The following EYS variants were observed in gnomAD, a reference collection of about 807,000 sequenced individuals.
EYS encodes protein eyes shut homolog.
In EYS, 250 loss-of-function variants were observed where a neutral mutation model predicts 282.1. The observed-to-expected ratio is 0.89, with a 90% CI of 0.80 to 0.98. EYS has a LOEUF of 0.98. Among genes scored for constraint, EYS ranks in the 50% least tolerant of loss-of-function variants. EYS has a pLI of 0.00. For synonymous variants in EYS, 1,355 were observed against 1,282.9 expected (o/e 1.06, Z -1.20); for missense variants, 4,016 against 3,709.0 (o/e 1.08, Z -2.15).
At chr6:64,839,653 T>C (rs1485380717) in intron 19 of EYS, among the ~76,000 whole-genome samples, 1 of 152,076 alleles carries the variant, frequency 6.6e-6, no homozygotes, top group Non-Finnish European at 1.5e-5. Context: ...TTACATAAAG[T>C]AAATTTATTT....
chr6:64,934,653 C>A (rs1209567569), intron 15 of EYS, among the ~76,000 whole-genome samples: 1 of 151,836 alleles, frequency 6.6e-6, no homozygotes, highest in Non-Finnish European at 1.5e-5. Flanking sequence ...ACCATGAATT[C>A]TATATCCTAC....
At chr6:63,761,378 C>T (rs796127352) in intron 41 of EYS, among the ~76,000 whole-genome samples, 5 of 152,122 alleles carry the variant, frequency 3.3e-5, no homozygotes, top group African/African-American at 1.2e-4. Flanking sequence ...TAATCACACT[C>T]TTAAGACATG....
In EYS at chr6:64,912,881, T is replaced by A. The variant is rs1768045410; in HGVS notation, c.2382-138A>T. ...AGGACTAATAAATAATACATAGTTT[T>A]AAAATATTGTTTGCCTAATTTCCTG... On this transcript the variant is annotated intron_variant, in intron 15 of 42. Coordinates refer to ENST00000503581, the MANE Select transcript of EYS (RefSeq NM_001142800.2). 4 of 473,618 alleles carry A rather than the reference T, an allele frequency of 8.4e-6. No homozygotes were observed. In the Admixed American group the frequency reaches 1.5e-4, roughly 18 times the overall value. 29.3% of individuals were successfully genotyped at this position (473,618 alleles called of 1,614,324 possible).
At chr6:63,972,321 G>A (rs532907980) in intron 35 of EYS, among the ~76,000 whole-genome samples, 3 of 152,030 alleles carry the variant, frequency 2.0e-5, no homozygotes, top group Non-Finnish European at 2.9e-5. Context: ...AAATAGCTTT[G>A]AAAATTCCAG....
chr6:65,652,346 A>G (rs1444245124), intron 1 of EYS, among the ~76,000 whole-genome samples: 2 of 152,016 alleles, frequency 1.3e-5, no homozygotes, highest in African/African-American at 4.8e-5. Context: ...AAGTAGAAGA[A>G]ACGAGTTAGA....
intron 32 of EYS, 139 bp from the exon 33 acceptor site, chr6:64,066,630 T>C (rs1357063553): frequency 1.6e-6 from 1 of 623,608 alleles, no homozygotes. Context: ...TTATTCAGTG[T>C]AATAAGTACC....
chr6:64,697,018 C>A (rs529027479), intron 22 of EYS, among the ~76,000 whole-genome samples: 1 of 152,192 alleles, frequency 6.6e-6, no homozygotes, highest in Non-Finnish European at 1.5e-5. Flanking sequence ...AACAAAGCAA[C>A]TAAATAATGC....
intron 26 of EYS, among the ~76,000 whole-genome samples, chr6:64,440,922 T>C (rs1774921797): frequency 6.6e-6 from 1 of 152,186 alleles, no homozygotes; most frequent in Non-Finnish European, 1.5e-5. Context: ...CTGAACAGAA[T>C]ATATTTGAGT....
intron 31 of EYS, among the ~76,000 whole-genome samples, chr6:64,225,056 T>C (rs1247598460): frequency 6.6e-6 from 1 of 152,090 alleles, no homozygotes; most frequent in African/African-American, 2.4e-5. Flanking sequence ...GCTCAGAACA[T>C]GGCACATGTC....
At chr6:64,966,538 G>A (rs1770101124) in intron 14 of EYS, among the ~76,000 whole-genome samples, 1 of 152,066 alleles carries the variant, frequency 6.6e-6, no homozygotes, top group African/African-American at 2.4e-5. Flanking sequence ...GGTCACTCTG[G>A]GGATAAAAGA....
At chr6:64,019,192 C>G (rs1769054605) in intron 33 of EYS, among the ~76,000 whole-genome samples, 2 of 152,012 alleles carry the variant, frequency 1.3e-5, no homozygotes, top group Non-Finnish European at 1.5e-5. Flanking sequence ...CAAGGAACAC[C>G]AAGGAATGCC....
rs1222198665 is a variant in EYS at position 64,709,006 on chromosome 6, A to G, written c.3444-82761T>C. On this transcript the variant is annotated intron_variant, in intron 22 of 42. Transcript: ENST00000503581. ...CATAGGGCAAAGATGATTGCCTGGC[A>G]TACATGCACACATACACACACACAC... Among the ~76,000 whole-genome samples, 3 of 72,836 alleles carry G rather than the reference A, an allele frequency of 4.1e-5. No homozygotes were observed. The East Asian group carries it at 1.1e-3, about 26-fold the overall frequency. The allele number at this position is 72,836 out of a possible 152,430, so 47.8% of individuals were successfully genotyped here.
intron 13 of EYS, among the ~76,000 whole-genome samples, chr6:65,024,172 A>T (rs1404257571): frequency 1.3e-5 from 2 of 152,214 alleles, no homozygotes; most frequent in Non-Finnish European, 2.9e-5. Flanking sequence ...TACATATAGC[A>T]ATGCAATGAA....
intron 34 of EYS, among the ~76,000 whole-genome samples, chr6:63,992,214 A>G (rs1266739536): frequency 6.6e-6 from 1 of 151,814 alleles, no homozygotes; most frequent in Non-Finnish European, 1.5e-5. Flanking sequence ...TACTGTAATC[A>G]TGGTGTGTAA....
At chr6:63,722,461 T>C (rs1261172217) in intron 42 of EYS, among the ~76,000 whole-genome samples, 1 of 152,186 alleles carries the variant, frequency 6.6e-6, no homozygotes. Context: ...TCTCATTTTA[T>C]AATTATATAG....
chr6:64,793,896 A>G (rs1011102176), intron 22 of EYS, among the ~76,000 whole-genome samples: 1 of 152,190 alleles, frequency 6.6e-6, no homozygotes, highest in Non-Finnish European at 1.5e-5. Context: ...AAAGCACACA[A>G]CACAATATTT....
chr6:64,016,203 A>G (rs753076738), intron 33 of EYS, among the ~76,000 whole-genome samples: 8 of 152,208 alleles, frequency 5.3e-5, no homozygotes, highest in Non-Finnish European at 1.0e-4. Context: ...ATAGCTTCTT[A>G]TAATCAAATA....
At chr6:64,509,495 T>C (rs1363871047) in intron 26 of EYS, among the ~76,000 whole-genome samples, 2 of 152,152 alleles carry the variant, frequency 1.3e-5, no homozygotes, top group East Asian at 1.9e-4. Context: ...TCATGGTCTT[T>C]GTGAGAACAA....
At position 65,372,871 on chromosome 6, in the gene EYS, C is replaced by T. The variant is rs183641489; in HGVS notation, c.1299+11515G>A. 2.9e-3 allele frequency among the ~76,000 whole-genome samples: 442 copies of T among 152,096 alleles called. 4 individuals are homozygous for T. The highest frequency in any genetic ancestry group is 0.01 in the African/African-American group (429 of 41,528). On this transcript the variant is annotated intron_variant, in intron 8 of 42. Coordinates refer to ENST00000503581, the MANE Select transcript of EYS (RefSeq NM_001142800.2). ...GACCTACAGGGTTTTTTTATCTCCT[C>T]ATATTTTCCAGCCTATTTTATTAAT...
Sources: gnomAD v4.1 joint callset for allele counts (sites outside exome capture counted in the v4.1 genomes callset) on GRCh38, gnomAD v4.1.1 for gene constraint, MANE v1.5 for transcripts, NCBI Gene and HGNC (gene_info 2026-07-23, HGNC 2026-07-21) for gene names.